MYO7A: variants seen among roughly 807,000 people sequenced by gnomAD.
The protein encoded by MYO7A is myosin VIIA.
Under a neutral mutation model 263.8 loss-of-function variants are expected in MYO7A, and 210 were observed. The observed-to-expected ratio is 0.80, with a 90% confidence interval of 0.71 to 0.89. The LOEUF is 0.89. Ranked by LOEUF, MYO7A falls within the 40% of genes least tolerant of loss-of-function variation. The pLI is 0.00. For missense variants in MYO7A, 2,820 were observed against 2,968.3 expected (o/e 0.95, Z 1.16); for synonymous variants, 1,239 against 1,197.3 (o/e 1.03, Z -0.72).
At chr11:77,199,946 T>G (rs1956947454) in intron 35 of MYO7A, 128 bp downstream of exon 35, 1 of 1,068,982 alleles carries the variant, frequency 9.4e-7, no homozygotes, top group Non-Finnish European at 1.3e-6. Context: ...AGAGGTTTAT[T>G]TGGCTCACAG....
intron 2 of MYO7A, among the ~76,000 whole-genome samples, chr11:77,137,794 G>A (rs1174189566): frequency 4.0e-5 from 6 of 151,844 alleles, no homozygotes; most frequent in African/African-American, 7.3e-5. Flanking sequence ...CGGGGGCTGC[G>A]GGAGGAGGAC....
At chr11:77,212,041 C>A (rs1197415664) in intron 46 of MYO7A, 104 bp downstream of exon 46, 3 of 974,652 alleles carry the variant, frequency 3.1e-6, no homozygotes, top group Non-Finnish European at 4.8e-6. Flanking sequence ...GCCTTGGACA[C>A]CTGCCCTGGT....
chr11:77,175,988 C>G (rs912614264), intron 18 of MYO7A, among the ~76,000 whole-genome samples: 1 of 152,188 alleles, frequency 6.6e-6, no homozygotes, highest in African/African-American at 2.4e-5. Flanking sequence ...CTGCGGGAGT[C>G]GCGGAGTCAC....
At chr11:77,208,963 C>A in intron 44 of MYO7A, 160 bp downstream of exon 44, 2 of 626,442 alleles carry the variant, frequency 3.2e-6, no homozygotes, top group Non-Finnish European at 5.7e-6. Flanking sequence ...AGGGATGGCC[C>A]AACCCCTGAT....
intron 14 of MYO7A, 32 bp from the exon 15 acceptor site, chr11:77,166,024 G>T: frequency 6.5e-7 from 1 of 1,544,174 alleles, no homozygotes; most frequent in East Asian, 2.3e-5. Flanking sequence ...TGCCAGAGCT[G>T]GTGAGAGGTG....
chr11:77,167,582 C>CA (rs1398984786), intron 15 of MYO7A, among the ~76,000 whole-genome samples: 15 of 152,148 alleles, frequency 9.9e-5, no homozygotes, highest in Non-Finnish European at 2.2e-4. Context: ...CCGTGGCTCC[C>CA]ACGGTGCTCT....
At chr11:77,149,162 C>T (rs1951792110) in intron 4 of MYO7A, among the ~76,000 whole-genome samples, 1 of 152,232 alleles carries the variant, frequency 6.6e-6, no homozygotes, top group Admixed American at 6.5e-5. Context: ...GCTTCTGACC[C>T]AGCCCCATCC....
At chr11:77,155,024 T>C (rs1952316563) in intron 4 of MYO7A, among the ~76,000 whole-genome samples, 1 of 152,124 alleles carries the variant, frequency 6.6e-6, no homozygotes, top group Non-Finnish European at 1.5e-5. Flanking sequence ...TTCTTCAGCC[T>C]CTCCAGGCCC....
intron 12 of MYO7A, among the ~76,000 whole-genome samples, chr11:77,161,600 C>T (rs1555068852): frequency 6.6e-6 from 1 of 152,246 alleles, no homozygotes; most frequent in Non-Finnish European, 1.5e-5. Flanking sequence ...AGTTCCCTTG[C>T]TGTTTGGATG....
At chr11:77,180,322 G>A (rs1764981658) in intron 21 of MYO7A, 52 bp from the exon 22 acceptor site, 4 of 1,513,422 alleles carry the variant, frequency 2.6e-6, no homozygotes, top group East Asian at 2.3e-5. Context: ...GGGAATCCCT[G>A]CAACAACAGC....
rs750763506 is a variant in MYO7A, at chr11:77,190,801, C to T, written c.3855C>T (p.Asn1285=). 2.7e-5 allele frequency: 43 copies of T among 1,592,198 alleles called. No individual in the cohort carries two copies. Among genetic ancestry groups the T allele is most frequent in the East Asian group, 4.6e-5 (2 of 43,794 alleles). ...CAACCACGGCCAAGGAGCTCTGCAA[C>T]GCGCTGGCCGACAAGATCTCTCTCA... ...DSATTAKELC[N]ALADKISLKD... The change falls in exon 30 of 49, where the codon AAC becomes AAT. Residue 1285 remains asparagine, a synonymous_variant. Coordinates refer to ENST00000409709, the MANE Select transcript of MYO7A (RefSeq NM_000260.4).
intron 2 of MYO7A, among the ~76,000 whole-genome samples, chr11:77,136,734 G>T (rs982599344): frequency 6.6e-6 from 1 of 152,182 alleles, no homozygotes; most frequent in Non-Finnish European, 1.5e-5. Context: ...TGACGGATGA[G>T]GAAAGAAAGG....
intron 3 of MYO7A, 27 bp from the exon 4 acceptor site, chr11:77,147,771 G>A (rs1555054511): frequency 1.2e-6 from 2 of 1,604,850 alleles, no homozygotes; most frequent in Non-Finnish European, 1.7e-6. Flanking sequence ...CCCCAGGAGA[G>A]CACGCTGACG....
At chr11:77,132,130 GT>G (rs1950783011) in intron 2 of MYO7A, among the ~76,000 whole-genome samples, 1 of 151,830 alleles carries the variant, frequency 6.6e-6, no homozygotes, top group Non-Finnish European at 1.5e-5. Context: ...GTCCTGAAAG[GT>G]CCACGGAGTG....
At chr11:77,172,698 C>G (rs782413435) in intron 15 of MYO7A, 50 bp from the exon 16 acceptor site, 5 of 1,545,032 alleles carry the variant, frequency 3.2e-6, no homozygotes, top group East Asian at 2.4e-5. Context: ...TCCTGGGACA[C>G]TGGATGGGGC....
chr11:77,191,611 G>A (rs185696921), intron 30 of MYO7A, among the ~76,000 whole-genome samples: 89 of 152,336 alleles, frequency 5.8e-4, no homozygotes, highest in African/African-American at 1.9e-3. Flanking sequence ...GACTCACCTC[G>A]GAGGCTGGAG....
chr11:77,201,715 T>C (rs1284132159), intron 36 of MYO7A, 77 bp downstream of exon 36: 1 of 1,448,830 alleles, frequency 6.9e-7, no homozygotes, highest in East Asian at 2.3e-5. Context: ...AGCTGTACAA[T>C]AGGTTAACGG....
intron 8 of MYO7A, 44 bp from the exon 9 acceptor site, chr11:77,158,233 C>T: frequency 6.5e-7 from 1 of 1,533,092 alleles, no homozygotes; most frequent in Non-Finnish European, 8.8e-7. Flanking sequence ...TCTGGGGGTA[C>T]ACTGACGTCC....
At chr11:77,204,291 AC>A in intron 39 of MYO7A, 62 bp downstream of exon 39, 1 of 1,537,192 alleles carries the variant, frequency 6.5e-7, no homozygotes, top group Non-Finnish European at 8.8e-7. Flanking sequence ...GGCAGCTCTT[AC>A]CCTCCTGAGG....
Sources: gnomAD v4.1 joint callset for allele counts (sites outside exome capture counted in the v4.1 genomes callset) on GRCh38, gnomAD v4.1.1 for gene constraint, MANE v1.5 for transcripts, NCBI Gene and HGNC (gene_info 2026-07-23, HGNC 2026-07-21) for gene names.